Variants in SLC35F4 observed in about 807,000 individuals in gnomAD.
SLC35F4 encodes chromosome 14 open reading frame 36.
SLC35F4 carries 24 observed loss-of-function variants against 44.2 expected under a neutral mutation model. The observed-to-expected ratio is 0.54, with a 90% CI of 0.39 to 0.76. SLC35F4 has a LOEUF of 0.76. SLC35F4 is among the 30% of genes least tolerant of loss of function. The pLI is 0.00. For missense variants in SLC35F4, 562 were observed against 586.1 expected (o/e 0.96, Z 0.42); for synonymous variants, 238 against 223.6 (o/e 1.06, Z -0.57).
rs144016462 is a variant in SLC35F4 at position 57,564,890 on chromosome 14, C to T, written c.1217-514G>A. On this transcript the variant is annotated intron_variant, in intron 7 of 7. Transcript: ENST00000556826. Reference sequence around the variant, plus strand: ...AAATAAAAGCCCATACCCATTAACTCCTCAGCTTCTTATCCCAAATCCCCA... The same window carrying T: ...AAATAAAAGCCCATACCCATTAACTTCTCAGCTTCTTATCCCAAATCCCCA... 7.9e-5 allele frequency among the ~76,000 whole-genome samples: 12 copies of T among 152,304 alleles called. No individual in the cohort carries two copies. The East Asian group carries it at 1.7e-3, about 22-fold the overall frequency.
chr14:57,683,379 C>T (rs1172210919), intron 1 of SLC35F4, among the ~76,000 whole-genome samples: 1 of 152,214 alleles, frequency 6.6e-6, no homozygotes, highest in African/African-American at 2.4e-5. Context: ...AGAGAAGACA[C>T]TTTAAAAGCT....
At chr14:57,897,709 T>C (rs1483199743) in intron 1 of SLC35F4, among the ~76,000 whole-genome samples, 1 of 152,162 alleles carries the variant, frequency 6.6e-6, no homozygotes, top group Non-Finnish European at 1.5e-5. Context: ...AGAAATAATT[T>C]CTCAAATGGA....
chr14:57,822,723 T>C (rs1883306418), intron 1 of SLC35F4, among the ~76,000 whole-genome samples: 1 of 152,182 alleles, frequency 6.6e-6, no homozygotes, highest in Non-Finnish European at 1.5e-5. Flanking sequence ...GTTCTGATTA[T>C]CTATTGCTGA....
chr14:57,594,010 G>A lies in SLC35F4; in HGVS notation c.218C>T (p.Pro73Leu). ...TCCTTGGTTTTGAAGTTCAAGAATAGGAGCAGAGGAATCTTCGGTGACAGA... is the reference window on the plus strand; with the variant it reads ...TCCTTGGTTTTGAAGTTCAAGAATAAGAGCAGAGGAATCTTCGGTGACAGA... ...PLSVTEDSSA[P>L]ILELQNQGSS... is the part of the protein sequence containing the mutation. The change falls in exon 2 of 8, where the codon CCT becomes CTT. Residue 73 changes from proline to leucine, a missense_variant. Physicochemically the swap from Pro to Leu is moderately conservative, Grantham distance 98. Coordinates refer to ENST00000556826, the MANE Select transcript of SLC35F4 (RefSeq NM_001306087.2). The A allele has an allele frequency of 6.2e-7, 1 of 1,613,928 alleles. No individual in the cohort carries two copies. Among genetic ancestry groups the A allele is most frequent in the Non-Finnish European group, 8.5e-7 (1 of 1,179,880 alleles).
chr14:57,625,156 C>A lies in SLC35F4; in HGVS notation c.104-31032G>T, dbSNP rs186216156. Reference sequence around the variant, plus strand: ...AAAAATCACAAGCATTCCTATACACCAAGAACAGACAGAGAGCCAAATCAT... The same window carrying A: ...AAAAATCACAAGCATTCCTATACACAAAGAACAGACAGAGAGCCAAATCAT... On this transcript the variant is annotated intron_variant, in intron 1 of 7. Transcript: ENST00000556826. Among the ~76,000 whole-genome samples, 222 of 152,038 alleles carry A rather than the reference C, an allele frequency of 1.5e-3. 2 individuals are homozygous for A. Among genetic ancestry groups the A allele is most frequent in the African/African-American group, 4.7e-3 (197 of 41,474 alleles).
exon 1 of SLC35F4, chr14:57,981,945 T>TA (rs1188266078): frequency 1.3e-5 from 2 of 152,122 alleles, no homozygotes; most frequent in Non-Finnish European, 1.5e-5. Flanking sequence ...TTGCCAGGTT[T>TA]TTTGCAACTC....
intron 1 of SLC35F4, among the ~76,000 whole-genome samples, chr14:57,613,647 A>G (rs1382311739): frequency 2.6e-5 from 4 of 152,236 alleles, no homozygotes; most frequent in Admixed American, 6.5e-5. Context: ...CTTCTGATAC[A>G]TAGCTTCCAA....
At chr14:57,644,777 C>T (rs1283573593) in intron 1 of SLC35F4, among the ~76,000 whole-genome samples, 1 of 152,022 alleles carries the variant, frequency 6.6e-6, no homozygotes, top group African/African-American at 2.4e-5. Flanking sequence ...CTCTTTAATC[C>T]ATCTTGAATT....
intron 1 of SLC35F4, among the ~76,000 whole-genome samples, chr14:57,913,898 T>C (rs1889264392): frequency 6.6e-6 from 1 of 152,210 alleles, no homozygotes; most frequent in Admixed American, 6.5e-5. Context: ...TTTTGTTATC[T>C]GAGAAAGTGT....
intron 1 of SLC35F4, among the ~76,000 whole-genome samples, chr14:57,765,199 G>C (rs184016315): frequency 9.3e-4 from 142 of 152,330 alleles, no homozygotes; most frequent in African/African-American, 3.3e-3. Flanking sequence ...TTAATGCTGT[G>C]CTATTGTAAT....
chr14:57,954,038 C>T (rs987435953), intron 1 of SLC35F4, among the ~76,000 whole-genome samples: 1 of 152,188 alleles, frequency 6.6e-6, no homozygotes, highest in South Asian at 2.1e-4. Flanking sequence ...GAAATCACTC[C>T]TCAGCAAATG....
At chr14:57,700,926 C>CA (rs1275289976) in intron 1 of SLC35F4, among the ~76,000 whole-genome samples, 6 of 152,008 alleles carry the variant, frequency 3.9e-5, no homozygotes, top group Non-Finnish European at 8.8e-5. Context: ...AAAAGCCCCC[C>CA]AAAAACAACA....
intron 1 of SLC35F4, among the ~76,000 whole-genome samples, chr14:57,765,050 T>C (rs1340037371): frequency 1.3e-5 from 2 of 152,228 alleles, no homozygotes; most frequent in African/African-American, 2.4e-5. Flanking sequence ...GGCACTGATC[T>C]AGGCGCTGCT....
exon 2 of SLC35F4, chr14:57,976,876 GTCTGCAGAGACTTTGATTGTCTTGACAT>G (rs1431766329): frequency 6.6e-6 from 1 of 152,216 alleles, no homozygotes. Context: ...TCACAGTAGA[GTCTGCAGAGACTTTGATTGTCTTGACAT>G]TCTGCAGACA....
chr14:57,604,425 AT>A (rs1333087513), intron 1 of SLC35F4, among the ~76,000 whole-genome samples: 1 of 152,200 alleles, frequency 6.6e-6, no homozygotes, highest in Non-Finnish European at 1.5e-5. Context: ...TACAAGGAGA[AT>A]TATAAAACAC....
intron 1 of SLC35F4, among the ~76,000 whole-genome samples, chr14:57,904,239 A>T (rs970480109): frequency 7.9e-5 from 12 of 152,220 alleles, no homozygotes; most frequent in Non-Finnish European, 5.9e-5. Context: ...TGGTAAAGTT[A>T]TACTAATGTG....
rs939241482 is a variant in SLC35F4, at chr14:57,951,972, C to A, written n.282+29941G>T. On this transcript the variant is annotated intron_variant and non_coding_transcript_variant, in intron 1 of 1. Transcript: ENST00000556568. The stretch of plus-strand genomic sequence containing the variant: ...CTGCCTCCTCAAGTGTGTCCCTGAT[C>A]CTCGTGCCTCCTGATTGGGAAACAC... Among the ~76,000 whole-genome samples the A allele has an allele frequency of 5.3e-5, 8 of 152,304 alleles. No homozygotes were observed. In the South Asian group the frequency reaches 1.2e-3, roughly 24 times the overall value.
chr14:57,700,024 C>G (rs187997543), intron 1 of SLC35F4, among the ~76,000 whole-genome samples: 8 of 152,210 alleles, frequency 5.3e-5, no homozygotes, highest in Middle Eastern at 3.4e-3. Context: ...TAGTACTGAA[C>G]CCTATAGGTA....
chr14:57,765,803 A>G (rs2077221544), intron 1 of SLC35F4, among the ~76,000 whole-genome samples: 1 of 152,216 alleles, frequency 6.6e-6, no homozygotes, highest in Admixed American at 6.5e-5. Context: ...AGTATGTGTC[A>G]AAGCATTTGA....
Sources: allele counts gnomAD v4.1 joint callset (sites outside exome capture counted in the v4.1 genomes callset), GRCh38; gene constraint gnomAD v4.1.1; transcripts MANE v1.5; gene names NCBI Gene and HGNC (gene_info 2026-07-23, HGNC 2026-07-21).